The following ZDHHC17 variants were observed in gnomAD, a reference collection of about 807,000 sequenced individuals.
The protein encoded by ZDHHC17 is zDHHC palmitoyltransferase 17.
Under a neutral mutation model 90.3 loss-of-function variants are expected in ZDHHC17, and 40 were observed. That is an observed-to-expected ratio of 0.44 (90% CI 0.34 to 0.58). The LOEUF (loss-of-function observed/expected upper bound fraction) is 0.58. Ranked by LOEUF, ZDHHC17 falls within the 20% of genes least tolerant of loss-of-function variation. The pLI, the probability that ZDHHC17 is intolerant of heterozygous loss-of-function variation, is 0.01. For missense variants in ZDHHC17, 614 were observed against 780.8 expected, an observed-to-expected ratio of 0.79 and a Z score of 2.55; for synonymous variants, 235 against 252.4, an observed-to-expected ratio of 0.93 and a Z score of 0.65.
Position 76,853,593 on chromosome 12 carries a change from G to T in ZDHHC17, c.*2608G>T, listed in dbSNP as rs1176687935. 6.6e-6 allele frequency: 1 copy of T among 152,110 alleles called. No homozygotes were observed. Among genetic ancestry groups the T allele is most frequent in the Non-Finnish European group, 1.5e-5 (1 of 67,906 alleles). 9.4% of individuals were successfully genotyped at this position (152,110 alleles called of 1,614,324 possible). A position where few individuals can be genotyped will look rare whatever the true frequency, so the allele number is the denominator to read the frequency against. On this transcript the variant is annotated 3_prime_UTR_variant, in exon 17 of 17. Transcript: ENST00000426126. Reference sequence around the variant, plus strand: ...ATTTTGCTACTTACCGTGTTATTCTGTGGAAAGAAAAACCTGTAAAGTGTT... The same window carrying T: ...ATTTTGCTACTTACCGTGTTATTCTTTGGAAAGAAAAACCTGTAAAGTGTT...
At chr12:76,850,326 A>G (rs1953548609) in intron 16 of ZDHHC17, among the ~76,000 whole-genome samples, 1 of 152,100 alleles carries the variant, frequency 6.6e-6, no homozygotes, top group Admixed American at 6.5e-5. Context: ...TCACTGCCAG[A>G]TTCATGCTAT....
At chr12:76,790,739 C>G (rs1259078126) in intron 1 of ZDHHC17, among the ~76,000 whole-genome samples, 3 of 152,018 alleles carry the variant, frequency 2.0e-5, no homozygotes, top group African/African-American at 7.2e-5. Context: ...AGTTAAATAC[C>G]TCATGTTCTC....
At chr12:76,772,559 G>T (rs573885073) in intron 1 of ZDHHC17, among the ~76,000 whole-genome samples, 16 of 146,932 alleles carry the variant, frequency 1.1e-4, no homozygotes, top group South Asian at 2.1e-4. Flanking sequence ...TTTTTGAGAC[G>T]GAGTCTAGCT....
chr12:76,812,637 G>GTTTT (rs1249431224), intron 5 of ZDHHC17, among the ~76,000 whole-genome samples: 1 of 151,890 alleles, frequency 6.6e-6, no homozygotes, highest in African/African-American at 2.4e-5. Context: ...GCTTTAGATA[G>GTTTT]TTTTCTTTGA....
rs570211916 is a variant in ZDHHC17 at position 76,827,179 on chromosome 12, A to C, written c.1040+129A>C. On this transcript the variant is annotated intron_variant, in intron 9 of 16. Coordinates refer to ENST00000426126, the MANE Select transcript of ZDHHC17 (RefSeq NM_015336.4). ...TTATTTAAATAATTTAGACATCTGTATGTGAAATATGAGATTTTTTAAACA... is the reference window on the plus strand; with the variant it reads ...TTATTTAAATAATTTAGACATCTGTCTGTGAAATATGAGATTTTTTAAACA... 32 of 994,420 alleles carry C rather than the reference A, an allele frequency of 3.2e-5. 1 individual carries two copies. The highest frequency in any genetic ancestry group is 3.4e-4 in the Middle Eastern group (1 of 2,954). 61.6% of individuals were successfully genotyped at this position (994,420 alleles called of 1,614,324 possible). A position where few individuals can be genotyped will look rare whatever the true frequency, so the allele number is the denominator to read the frequency against.
At chr12:76,771,213 A>G (rs954010501) in intron 1 of ZDHHC17, among the ~76,000 whole-genome samples, 3 of 152,228 alleles carry the variant, frequency 2.0e-5, no homozygotes, top group South Asian at 2.1e-4. Flanking sequence ...AGGATAAAAT[A>G]TCTTCTTTTA....
chr12:76,827,995 G>C (rs898879781), intron 9 of ZDHHC17, among the ~76,000 whole-genome samples: 10 of 152,196 alleles, frequency 6.6e-5, no homozygotes, highest in African/African-American at 2.2e-4. Flanking sequence ...GAGAAATAAT[G>C]ATGAAACAGA....
intron 3 of ZDHHC17, among the ~76,000 whole-genome samples, chr12:76,806,769 T>C (rs1438624815): frequency 1.3e-5 from 2 of 152,202 alleles, no homozygotes; most frequent in Non-Finnish European, 2.9e-5. Flanking sequence ...TACCCTGGCC[T>C]CCCAAAATGC....
chr12:76,780,959 C>G (rs1238538669), intron 1 of ZDHHC17, among the ~76,000 whole-genome samples: 1 of 150,884 alleles, frequency 6.6e-6, no homozygotes, highest in African/African-American at 2.4e-5. Context: ...AACACCGTCT[C>G]TACTAAAAAT....
intron 1 of ZDHHC17, among the ~76,000 whole-genome samples, chr12:76,797,092 G>A (rs143685733): frequency 0.013 from 1,981 of 151,922 alleles, 125 homozygotes; most frequent in Admixed American, 0.11. Context: ...GTGAAACCCC[G>A]TCTCAGCTAA....
At chr12:76,777,984 C>G (rs1466480956) in intron 1 of ZDHHC17, among the ~76,000 whole-genome samples, 1 of 152,140 alleles carries the variant, frequency 6.6e-6, no homozygotes, top group Non-Finnish European at 1.5e-5. Context: ...ATCAGTGGGA[C>G]TATGCCTTTT....
At chr12:76,837,221 T>G (rs1565803874) in intron 10 of ZDHHC17, among the ~76,000 whole-genome samples, 1 of 152,220 alleles carries the variant, frequency 6.6e-6, no homozygotes, top group South Asian at 2.1e-4. Flanking sequence ...GGGCAACCTC[T>G]GCCTCCCAGG....
intron 7 of ZDHHC17, among the ~76,000 whole-genome samples, chr12:76,817,534 G>T (rs981548291): frequency 6.6e-6 from 1 of 152,080 alleles, no homozygotes; most frequent in African/African-American, 2.4e-5. Context: ...AATTATGACA[G>T]TAAGATGACT....
chr12:76,778,797 G>A (rs1952591471), intron 1 of ZDHHC17, among the ~76,000 whole-genome samples: 1 of 152,136 alleles, frequency 6.6e-6, no homozygotes, highest in East Asian at 1.9e-4. Context: ...GACTTTGTCA[G>A]GGCTCCCATA....
In ZDHHC17 at chr12:76,786,397, C is replaced by T. The variant is rs547964769; in HGVS notation, c.94-11037C>T. 1.4e-3 allele frequency among the ~76,000 whole-genome samples: 210 copies of T among 152,278 alleles called. 1 individual carries two copies. Among genetic ancestry groups the T allele is most frequent in the African/African-American group, 4.7e-3 (197 of 41,572 alleles). On this transcript the variant is annotated intron_variant, in intron 1 of 16. Transcript: ENST00000426126. ...TCAGCCCCCTGAGTAGCTGGGATGG[C>T]AGGCACCTGCCACCATGCCTGGCTA...
In ZDHHC17 at chr12:76,822,505, T is replaced by G. The variant is rs776540928; in HGVS notation, c.871T>G (p.Phe291Val). ...AGCAAAAGGATATGACAATCCGTCC[T>G]TCCTTAGAAAGCTGAAAGCTGATAA... ...RQAKGYDNPS[F>V]LRKLKADKEF... Residue 291 changes from phenylalanine to valine, a missense_variant, in exon 8 of 17, where the codon TTC (phenylalanine) becomes GTC (valine). Coordinates refer to ENST00000426126, the MANE Select transcript of ZDHHC17 (RefSeq NM_015336.4). The G allele has an allele frequency of 2.2e-5, 36 of 1,607,150 alleles. No individual in the cohort carries two copies. The highest frequency in any genetic ancestry group is 2.8e-5 in the Non-Finnish European group (33 of 1,176,510).
At chr12:76,821,197 G>A in intron 7 of ZDHHC17, 1 of 1,196,814 alleles carries the variant, frequency 8.4e-7, no homozygotes, top group Non-Finnish European at 1.1e-6. Flanking sequence ...TTAATTAGCT[G>A]GTTCTGACAA....
At chr12:76,824,969 A>G (rs757018877) in intron 8 of ZDHHC17, among the ~76,000 whole-genome samples, 4 of 152,196 alleles carry the variant, frequency 2.6e-5, no homozygotes, top group Non-Finnish European at 5.9e-5. Flanking sequence ...TATTAAGTAA[A>G]AGGATTTTAG....
chr12:76,809,373 G>A (rs549451003), intron 4 of ZDHHC17, among the ~76,000 whole-genome samples: 2 of 152,016 alleles, frequency 1.3e-5, no homozygotes, highest in South Asian at 2.1e-4. Flanking sequence ...ATTTCTAAAC[G>A]TAATATTTTT....
Sources: gnomAD v4.1 joint callset for allele counts (sites outside exome capture counted in the v4.1 genomes callset) on GRCh38, gnomAD v4.1.1 for gene constraint, MANE v1.5 for transcripts, NCBI Gene and HGNC (gene_info 2026-07-23, HGNC 2026-07-21) for gene names.